LPP: variants seen among roughly 807,000 people sequenced by gnomAD.
LPP encodes lipoma-preferred partner.
In LPP, 38 loss-of-function variants were observed where a neutral mutation model predicts 60.4. The observed-to-expected ratio is 0.63, with a 90% CI of 0.49 to 0.83. LPP has a LOEUF of 0.83. Among genes scored for constraint, LPP ranks in the 40% least tolerant of loss-of-function variants. LPP has a pLI of 0.00. For missense variants in LPP, 902 were observed against 783.6 expected (o/e 1.15, Z -1.80); for synonymous variants, 328 against 290.8 (o/e 1.13, Z -1.30).
At chr3:188,346,954 T>A (rs1333847908) in intron 3 of LPP, among the ~76,000 whole-genome samples, 1 of 152,212 alleles carries the variant, frequency 6.6e-6, no homozygotes, top group African/African-American at 2.4e-5. Context: ...ATTGAAACTC[T>A]TATTCTACTT....
intron 2 of LPP, among the ~76,000 whole-genome samples, chr3:188,252,170 CATATATATATATATATATAT>C (rs10609191): frequency 8.5e-4 from 87 of 101,902 alleles, no homozygotes; most frequent in Non-Finnish European, 1.2e-3. Flanking sequence ...CTTCCCCAAA[CATATATATATATATATATAT>C]ATATATATAT....
chr3:188,845,531 T>G (rs1166671084), intron 9 of LPP, among the ~76,000 whole-genome samples: 1 of 152,228 alleles, frequency 6.6e-6, no homozygotes, highest in Non-Finnish European at 1.5e-5. Flanking sequence ...TTCAGGTCAC[T>G]GTGTAGATTG....
intron 1 of LPP, among the ~76,000 whole-genome samples, chr3:188,168,035 A>G (rs896183258): frequency 2.0e-5 from 3 of 152,260 alleles, no homozygotes; most frequent in Admixed American, 6.5e-5. Context: ...ATTTAGAAAT[A>G]GTCTGGGCTG....
chr3:188,387,467 A>T (rs1283963089), intron 3 of LPP, among the ~76,000 whole-genome samples: 2 of 152,146 alleles, frequency 1.3e-5, no homozygotes, highest in African/African-American at 4.8e-5. Context: ...CATTATTTGA[A>T]AATTTTGCGA....
chr3:188,579,992 C>A (rs1027864627), intron 6 of LPP, among the ~76,000 whole-genome samples: 2 of 151,666 alleles, frequency 1.3e-5, no homozygotes, highest in African/African-American at 2.4e-5. Context: ...CAGAGCAAGA[C>A]CCTGCCTCTA....
chr3:188,832,872 C>CA (rs1186516911), intron 9 of LPP, among the ~76,000 whole-genome samples: 10 of 152,282 alleles, frequency 6.6e-5, no homozygotes, highest in African/African-American at 2.2e-4. Flanking sequence ...GGTCCTGAAC[C>CA]ATCCCAGTGC....
chr3:188,240,843 G>T (rs1452070069), intron 2 of LPP, among the ~76,000 whole-genome samples: 1 of 152,158 alleles, frequency 6.6e-6, no homozygotes. Context: ...GACACTCTTA[G>T]TGAATGAACC....
intron 4 of LPP, among the ~76,000 whole-genome samples, chr3:188,456,461 G>T (rs374741044): frequency 6.6e-6 from 1 of 152,236 alleles, no homozygotes; most frequent in South Asian, 2.1e-4. Flanking sequence ...CTATAAGAAT[G>T]TGATGAACAA....
At chr3:188,356,107 CAA>C (rs776895646) in intron 3 of LPP, among the ~76,000 whole-genome samples, 14 of 152,086 alleles carry the variant, frequency 9.2e-5, no homozygotes, top group Non-Finnish European at 1.9e-4. Flanking sequence ...TTTGTTTCTC[CAA>C]AGTTTCCCAA....
intron 6 of LPP, among the ~76,000 whole-genome samples, chr3:188,548,780 G>T (rs1297582824): frequency 6.6e-6 from 1 of 152,160 alleles, no homozygotes; most frequent in Non-Finnish European, 1.5e-5. Context: ...GGCAGAAACT[G>T]GGAGAGGCCG....
intron 7 of LPP, among the ~76,000 whole-genome samples, chr3:188,620,065 CA>C (rs1845528663): frequency 1.3e-5 from 2 of 152,008 alleles, no homozygotes; most frequent in South Asian, 4.1e-4. Context: ...TTTTTTCATT[CA>C]TTTACTAAAA....
intron 5 of LPP, among the ~76,000 whole-genome samples, chr3:188,522,333 G>T (rs984424584): frequency 4.6e-5 from 7 of 152,178 alleles, no homozygotes; most frequent in Admixed American, 3.3e-4. Flanking sequence ...ATAGTTACCA[G>T]TGTGAGCGTG....
At chr3:188,272,373 A>G (rs1341381287) in intron 2 of LPP, among the ~76,000 whole-genome samples, 2 of 152,252 alleles carry the variant, frequency 1.3e-5, no homozygotes, top group Non-Finnish European at 2.9e-5. Context: ...AACGGCAAAC[A>G]GAACAAAAAC....
intron 6 of LPP, among the ~76,000 whole-genome samples, chr3:188,535,411 C>G (rs998459869): frequency 2.6e-5 from 4 of 152,130 alleles, no homozygotes; most frequent in Non-Finnish European, 5.9e-5. Flanking sequence ...CATTTGTTTT[C>G]TGGCACATGA....
At chr3:188,181,414 G>A (rs1724971527) in intron 1 of LPP, among the ~76,000 whole-genome samples, 1 of 151,474 alleles carries the variant, frequency 6.6e-6, no homozygotes, top group African/African-American at 2.4e-5. Flanking sequence ...GCAACAGCCA[G>A]TGTGAAATTT....
chr3:188,555,117 T>A (rs1417929519), intron 6 of LPP, among the ~76,000 whole-genome samples: 1 of 152,084 alleles, frequency 6.6e-6, no homozygotes, highest in Non-Finnish European at 1.5e-5. Flanking sequence ...GGGATAAGCA[T>A]GTTATAGACA....
intron 2 of LPP, among the ~76,000 whole-genome samples, chr3:188,305,100 A>G (rs776538199): frequency 2.0e-4 from 31 of 152,136 alleles, no homozygotes; most frequent in Admixed American, 2.0e-4. Flanking sequence ...TTATGGTTAT[A>G]TATGTGCTTT....
intron 9 of LPP, among the ~76,000 whole-genome samples, chr3:188,772,125 T>C (rs1416061121): frequency 6.6e-6 from 1 of 152,090 alleles, no homozygotes; most frequent in Non-Finnish European, 1.5e-5. Flanking sequence ...CATGCAAAAA[T>C]TGGTCCCAAA....
chr3:188,809,596 A>T (rs1228677099), intron 9 of LPP, among the ~76,000 whole-genome samples: 3 of 152,046 alleles, frequency 2.0e-5, no homozygotes, highest in Non-Finnish European at 4.4e-5. Flanking sequence ...TGTCAGATGG[A>T]TAGATTGCAA....
Sources: allele counts gnomAD v4.1 joint callset (sites outside exome capture counted in the v4.1 genomes callset), GRCh38; gene constraint gnomAD v4.1.1; transcripts MANE v1.5; gene names NCBI Gene and HGNC (gene_info 2026-07-23, HGNC 2026-07-21).